The following COX7B2 variants were observed in gnomAD, a reference collection of about 807,000 sequenced individuals.
COX7B2 encodes the protein cytochrome c oxidase subunit 7B2.
For synonymous variants in COX7B2, 37 were observed against 32.1 expected, an observed-to-expected ratio of 1.15 and a Z score of -0.51; for missense variants, 109 against 95.9, an observed-to-expected ratio of 1.14 and a Z score of -0.57.
chr4:46,867,332 G>C (rs1339609925), intron 1 of COX7B2, among the ~76,000 whole-genome samples: 1 of 152,140 alleles, frequency 6.6e-6, no homozygotes, highest in Non-Finnish European at 1.5e-5. Flanking sequence ...GAAAAAATAA[G>C]GTAGGAGACC....
At chr4:46,897,707 T>C (rs568637937) in intron 1 of COX7B2, among the ~76,000 whole-genome samples, 2 of 152,242 alleles carry the variant, frequency 1.3e-5, no homozygotes, top group East Asian at 1.9e-4. Context: ...CCATTCCCAA[T>C]TCATCAGACA....
intron 1 of COX7B2, among the ~76,000 whole-genome samples, chr4:46,889,167 G>T (rs560179905): frequency 6.6e-6 from 1 of 152,126 alleles, no homozygotes; most frequent in Non-Finnish European, 1.5e-5. Context: ...AATCTAAGGA[G>T]AAAAATCCAT....
chr4:46,787,501 T>C (rs1717812997), intron 2 of COX7B2, among the ~76,000 whole-genome samples: 1 of 151,954 alleles, frequency 6.6e-6, no homozygotes, highest in Non-Finnish European at 1.5e-5. Context: ...TCATACCTCA[T>C]TTGGTACTTT....
intron 2 of COX7B2, among the ~76,000 whole-genome samples, chr4:46,750,873 G>A (rs1466557773): frequency 6.6e-6 from 1 of 152,114 alleles, no homozygotes; most frequent in East Asian, 1.9e-4. Context: ...AGCCCTTTCA[G>A]ATTAGGGATG....
chr4:46,808,610 T>C (rs543794969), intron 2 of COX7B2, among the ~76,000 whole-genome samples: 1 of 152,020 alleles, frequency 6.6e-6, no homozygotes, highest in Non-Finnish European at 1.5e-5. Flanking sequence ...ATCACTTGCC[T>C]TGTACCAAAT....
intron 1 of COX7B2, among the ~76,000 whole-genome samples, chr4:46,897,858 C>T (rs1719852183): frequency 6.6e-6 from 1 of 152,194 alleles, no homozygotes; most frequent in South Asian, 2.1e-4. Flanking sequence ...TATCAGACTT[C>T]ATTTTCTCTT....
intron 2 of COX7B2, among the ~76,000 whole-genome samples, chr4:46,770,731 A>G (rs1716828945): frequency 6.6e-6 from 1 of 152,144 alleles, no homozygotes; most frequent in African/African-American, 2.4e-5. Flanking sequence ...TGATGAAATG[A>G]CTGTATCTTC....
intron 2 of COX7B2, among the ~76,000 whole-genome samples, chr4:46,754,889 C>T (rs1715683042): frequency 1.3e-5 from 2 of 151,182 alleles, no homozygotes; most frequent in Non-Finnish European, 2.9e-5. Flanking sequence ...ACCAATCCTA[C>T]TGAAGCTATT....
chr4:46,779,449 T>A (rs1005772500), intron 2 of COX7B2, among the ~76,000 whole-genome samples: 1 of 152,266 alleles, frequency 6.6e-6, no homozygotes, highest in Non-Finnish European at 1.5e-5. Context: ...TTTCCATACC[T>A]TGGCTACTGT....
chr4:46,829,816 C>G (rs1433122707), intron 2 of COX7B2, among the ~76,000 whole-genome samples: 2 of 151,998 alleles, frequency 1.3e-5, no homozygotes, highest in Non-Finnish European at 2.9e-5. Context: ...CATAAAATAA[C>G]AGCAAAATTA....
chr4:46,863,921 C>A (rs189066380), intron 1 of COX7B2, among the ~76,000 whole-genome samples: 139 of 152,240 alleles, frequency 9.1e-4, no homozygotes, highest in Non-Finnish European at 1.8e-3. Context: ...TCCATTCTCA[C>A]CTGGACTAAA....
chr4:46,803,528 T>C (rs1156375284), intron 2 of COX7B2, among the ~76,000 whole-genome samples: 1 of 152,134 alleles, frequency 6.6e-6, no homozygotes, highest in Non-Finnish European at 1.5e-5. Flanking sequence ...TATCTTAAGG[T>C]AATGTTCCTT....
At chr4:46,767,936 G>C (rs968312387) in intron 2 of COX7B2, among the ~76,000 whole-genome samples, 6 of 152,228 alleles carry the variant, frequency 3.9e-5, no homozygotes, top group Admixed American at 3.9e-4. Flanking sequence ...CTTATGGGAG[G>C]GGGAGCATGC....
intron 2 of COX7B2, among the ~76,000 whole-genome samples, chr4:46,816,027 C>A (rs1719533516): frequency 6.6e-6 from 1 of 152,072 alleles, no homozygotes; most frequent in South Asian, 2.1e-4. Flanking sequence ...ATATGTAGGC[C>A]CTCCTTATAT....
intron 2 of COX7B2, among the ~76,000 whole-genome samples, chr4:46,794,592 C>G: frequency 6.6e-6 from 1 of 152,082 alleles, no homozygotes; most frequent in Admixed American, 6.6e-5. Context: ...CTTCTCTCGT[C>G]TGTAGTGGGA....
chr4:46,754,506 T>C (rs1437118580), intron 2 of COX7B2, among the ~76,000 whole-genome samples: 1 of 107,584 alleles, frequency 9.3e-6, no homozygotes, highest in Non-Finnish European at 1.7e-5. Context: ...AGTTGGGAAC[T>C]GAACAATGAG....
intron 1 of COX7B2, among the ~76,000 whole-genome samples, chr4:46,874,894 C>G (rs556724868): frequency 6.6e-6 from 1 of 152,148 alleles, no homozygotes; most frequent in African/African-American, 2.4e-5. Context: ...TGTATTTAAC[C>G]AATCTGCTTT....
At chr4:46,791,233 T>C (rs1248886533) in intron 2 of COX7B2, among the ~76,000 whole-genome samples, 1 of 151,612 alleles carries the variant, frequency 6.6e-6, no homozygotes, top group African/African-American at 2.4e-5. Flanking sequence ...ATGGTCTCCA[T>C]CTCCTGACCT....
At chr4:46,815,047 G>A (rs555005016) in intron 2 of COX7B2, among the ~76,000 whole-genome samples, 67 of 152,156 alleles carry the variant, frequency 4.4e-4, no homozygotes, top group African/African-American at 1.2e-3. Flanking sequence ...TTAGCCAGGC[G>A]TGGTGGTGCA....
Sources: allele counts gnomAD v4.1 joint callset (sites outside exome capture counted in the v4.1 genomes callset), GRCh38; gene constraint gnomAD v4.1.1; transcripts MANE v1.5; gene names NCBI Gene and HGNC (gene_info 2026-07-23, HGNC 2026-07-21).